NBN: variants seen among roughly 807,000 people sequenced by gnomAD.
NBN encodes Nijmegen breakage syndrome 1 (nibrin).
A neutral mutation model predicts 90.8 loss-of-function variants in NBN; 88 were observed. The ratio of observed to expected loss-of-function variants is 0.97; its 90% confidence interval spans 0.82 to 1.16. The LOEUF (loss-of-function observed/expected upper bound fraction) is 1.16. NBN is among the 50% of genes most tolerant of loss of function. NBN has a pLI of 0.00. For synonymous variants in NBN, 328 were observed against 295.1 expected (o/e 1.11, Z -1.14); for missense variants, 894 against 869.6 (o/e 1.03, Z -0.35).
rs1586066127 is a variant in NBN, at chr8:89,958,831, G to A, written c.1018C>T (p.Pro340Ser). Residue 340 changes from proline (P) to serine (S), a missense_variant, in exon 9 of 16, where the codon CCA becomes TCA. Transcript: ENST00000265433. ...ACTGACACGCCTTGTGAAAGGCTTG[G>A]TCCTGGAGTTGTTGTCTTTAATCCT... ...STGLKTTTPGPSLSQGVSVDE... is the reference protein window; with the variant it reads ...STGLKTTTPGSSLSQGVSVDE... 1 of 1,613,806 alleles carries A rather than the reference G, an allele frequency of 6.2e-7. No individual in the cohort carries two copies. Among genetic ancestry groups the A allele is most frequent in the African/African-American group, 1.3e-5 (1 of 75,034 alleles).
At chr8:89,978,177 T>C (rs918453409) in intron 5 of NBN, 43 bp downstream of exon 5, 6 of 1,498,382 alleles carry the variant, frequency 4.0e-6, no homozygotes, top group Non-Finnish European at 5.6e-6. Flanking sequence ...ATCAATGCTA[T>C]CATATAAGTG....
intron 7 of NBN, among the ~76,000 whole-genome samples, chr8:89,969,346 T>A (rs1811395356): frequency 6.6e-6 from 1 of 152,232 alleles, no homozygotes; most frequent in Non-Finnish European, 1.5e-5. Context: ...CATAATAGCC[T>A]ATATAAGGAT....
At chr8:89,967,837 C>A (rs540790172) in intron 7 of NBN, among the ~76,000 whole-genome samples, 1 of 152,180 alleles carries the variant, frequency 6.6e-6, no homozygotes, top group Non-Finnish European at 1.5e-5. Context: ...TGTTGAAGTT[C>A]GGTCAATAGC....
intron 7 of NBN, among the ~76,000 whole-genome samples, chr8:89,969,772 T>C (rs1297808514): frequency 6.6e-6 from 1 of 151,360 alleles, no homozygotes; most frequent in Non-Finnish European, 1.5e-5. Flanking sequence ...GCCAACATGT[T>C]GAAACCCCAT....
intron 7 of NBN, 69 bp from the exon 8 acceptor site, chr8:89,964,576 A>G (rs1371500191): frequency 6.9e-7 from 1 of 1,447,486 alleles, no homozygotes; most frequent in African/African-American, 1.4e-5. Flanking sequence ...GATAATGTCA[A>G]GATAAAGCAA....
intron 14 of NBN, among the ~76,000 whole-genome samples, chr8:89,938,908 A>G (rs951974452): frequency 1.3e-5 from 2 of 152,228 alleles, no homozygotes; most frequent in East Asian, 1.9e-4. Flanking sequence ...ATAAAGTTGT[A>G]GCATAGTAAG....
intron 8 of NBN, among the ~76,000 whole-genome samples, chr8:89,960,357 G>A (rs1344350741): frequency 1.3e-5 from 2 of 152,162 alleles, no homozygotes; most frequent in Non-Finnish European, 2.9e-5. Context: ...TATCATCACT[G>A]AATAATTTAA....
intron 2 of NBN, chr8:89,982,032 A>G (rs1426018856): frequency 2.1e-6 from 2 of 975,264 alleles, no homozygotes; most frequent in Non-Finnish European, 2.8e-6. Context: ...ACCTAAATAA[A>G]ACTGAAGAAA....
In NBN at chr8:89,953,633, A is replaced by G. The variant is rs587781380; in HGVS notation, c.1456T>C (p.Ser486Pro). The change falls in exon 11 of 16, where the codon TCT (serine) becomes CCT (proline). Residue 486 changes from serine to proline, a missense_variant. By Grantham distance (74) the Ser-to-Pro change is moderately conservative. Coordinates refer to ENST00000265433, the MANE Select transcript of NBN (RefSeq NM_002485.5). ...TGTGTTTGTTCTAAAAGAGAACAAG[A>G]CGTTTCTATTCTTGCTGATTTGCAT... ...SSCKSARIET[S>P]CSLLEQTQPA... 11 of 1,612,936 alleles carry G rather than the reference A, an allele frequency of 6.8e-6. No individual in the cohort carries two copies. Among genetic ancestry groups the G allele is most frequent in the Non-Finnish European group, 7.6e-6 (9 of 1,179,362 alleles).
At chr8:89,961,143 T>A (rs1810972495) in intron 8 of NBN, among the ~76,000 whole-genome samples, 1 of 152,210 alleles carries the variant, frequency 6.6e-6, no homozygotes, top group Admixed American at 6.5e-5. Context: ...TTAACTTTTC[T>A]CAGCCTTGGT....
intron 10 of NBN, among the ~76,000 whole-genome samples, chr8:89,954,380 G>A (rs555033801): frequency 1.3e-5 from 2 of 152,078 alleles, no homozygotes; most frequent in South Asian, 2.1e-4. Context: ...CCAACCAATC[G>A]AGAGGTTTTT....
At chr8:89,937,128 A>C in intron 14 of NBN, 53 bp from the exon 15 acceptor site, 1 of 1,535,060 alleles carries the variant, frequency 6.5e-7, no homozygotes, top group Non-Finnish European at 9.0e-7. Flanking sequence ...ATATATAGTT[A>C]ATGAATTGCT....
At chr8:89,963,569 T>A (rs1811098979) in intron 8 of NBN, among the ~76,000 whole-genome samples, 1 of 152,158 alleles carries the variant, frequency 6.6e-6, no homozygotes, top group South Asian at 2.1e-4. Flanking sequence ...ACTAAAAAAT[T>A]TTTTTAAAAA....
chr8:89,977,450 T>C (rs1300931551), intron 5 of NBN, among the ~76,000 whole-genome samples: 3 of 152,162 alleles, frequency 2.0e-5, no homozygotes, highest in African/African-American at 7.2e-5. Flanking sequence ...TGTGCATAGG[T>C]ATGGACATAT....
At chr8:89,982,673 G>C (rs758508711) in intron 2 of NBN, 49 bp downstream of exon 2, 3 of 1,500,786 alleles carry the variant, frequency 2.0e-6, no homozygotes, top group South Asian at 2.3e-5. Flanking sequence ...AATATTTTGT[G>C]ATTTCAACCC....
intron 4 of NBN, among the ~76,000 whole-genome samples, chr8:89,979,115 C>G (rs1191265733): frequency 6.6e-6 from 1 of 151,932 alleles, no homozygotes; most frequent in Non-Finnish European, 1.5e-5. Flanking sequence ...GTAGCTGGGA[C>G]TACAGGCACA....
At chr8:89,944,922 A>G (rs1440827216) in intron 13 of NBN, among the ~76,000 whole-genome samples, 1 of 152,284 alleles carries the variant, frequency 6.6e-6, no homozygotes, top group African/African-American at 2.4e-5. Flanking sequence ...TCCTGCATTA[A>G]TATCAATCCA....
rs1805841 is a variant in NBN, at chr8:89,980,442, G to C, written c.480+292C>G. On this transcript the variant is annotated intron_variant, in intron 4 of 15. Coordinates refer to ENST00000265433, the MANE Select transcript of NBN (RefSeq NM_002485.5). ...GTTGCTTTAAGACTGAAAACACAAA[G>C]TATGCACTGTCATAACCTTCTCGGT... Among the ~76,000 whole-genome samples the C allele has an allele frequency of 0.51, 76,963 of 151,482 alleles. 21,876 individuals carry two copies. Among genetic ancestry groups the C allele is most frequent in the African/African-American group, 0.77 (31,699 of 41,284 alleles).
chr8:89,953,641 A>T lies in NBN; in HGVS notation c.1448T>A (p.Ile483Lys). Residue 483 changes from isoleucine (I) to lysine (K), a missense_variant, in exon 11 of 16, where the codon ATA becomes AAA. Transcript: ENST00000265433. ...TTCTAAAAGAGAACAAGACGTTTCT[A>T]TTCTTGCTGATTTGCATGAAGACAT... ...QEMSSCKSARIETSCSLLEQT... is the reference protein window; with the variant it reads ...QEMSSCKSARKETSCSLLEQT... 1 of 1,612,930 alleles carries T rather than the reference A, an allele frequency of 6.2e-7. No individual in the cohort carries two copies. The highest frequency in any genetic ancestry group is 8.5e-7 in the Non-Finnish European group (1 of 1,179,572).
Sources: allele counts gnomAD v4.1 joint callset (sites outside exome capture counted in the v4.1 genomes callset), GRCh38; gene constraint gnomAD v4.1.1; transcripts MANE v1.5; gene names NCBI Gene and HGNC (gene_info 2026-07-23, HGNC 2026-07-21).